The following AFAP1L1 variants were observed in gnomAD, a reference collection of about 807,000 sequenced individuals.
The protein encoded by AFAP1L1 is actin filament-associated protein 1-like 1.
In AFAP1L1, 77 loss-of-function variants were observed where a neutral mutation model predicts 99.8. The observed-to-expected ratio is 0.77, with a 90% CI of 0.64 to 0.93. The LOEUF (loss-of-function observed/expected upper bound fraction) is 0.93, where lower values mean the gene tolerates loss of function less well. Among genes scored for constraint, AFAP1L1 ranks in the 40% least tolerant of loss-of-function variants. The pLI is 0.00. For synonymous variants in AFAP1L1, 373 were observed against 395.3 expected, an observed-to-expected ratio of 0.94 and a Z score of 0.67; for missense variants, 893 against 996.8, an observed-to-expected ratio of 0.90 and a Z score of 1.40.
In AFAP1L1 at chr5:149,317,715, A is replaced by G. The variant is rs1318708982; in HGVS notation, c.1268-14A>G. 6.2e-7 allele frequency: 1 copy of G among 1,613,262 alleles called. No individual in the cohort carries two copies. The highest frequency in any genetic ancestry group is 1.7e-5 in the Admixed American group (1 of 59,956). ...GGGCAGGCTATGGGAACCTCACACC[A>G]TTGTCTCCTCCAGGCTACCTGAACG... On this transcript the variant is annotated splice_polypyrimidine_tract_variant and intron_variant, in intron 11 of 18. Transcript: ENST00000296721.
intron 1 of AFAP1L1, among the ~76,000 whole-genome samples, chr5:149,296,450 G>A (rs1391612340): frequency 6.6e-6 from 1 of 152,248 alleles, no homozygotes; most frequent in African/African-American, 2.4e-5. Context: ...AGAGCAGAGA[G>A]GTATCATGTG....
chr5:149,338,078 T>C (rs533525180), intron 18 of AFAP1L1, among the ~76,000 whole-genome samples: 1 of 152,308 alleles, frequency 6.6e-6, no homozygotes, highest in Admixed American at 6.5e-5. Flanking sequence ...AGAATACATT[T>C]AAAGGACAGC....
At chr5:149,284,867 G>A (rs1755627761) in intron 1 of AFAP1L1, among the ~76,000 whole-genome samples, 1 of 152,236 alleles carries the variant, frequency 6.6e-6, no homozygotes. Context: ...TCTCAGGTGA[G>A]CAGCAGACTG....
Position 149,300,922 on chromosome 5 carries a change from C to G in AFAP1L1, c.230-211C>G, listed in dbSNP as rs193151074. On this transcript the variant is annotated intron_variant, in intron 3 of 18. Coordinates refer to ENST00000296721, the MANE Select transcript of AFAP1L1 (RefSeq NM_152406.4). The stretch of plus-strand genomic sequence containing the variant: ...CAAGTATGATTTTATTTGATCCTCT[C>G]TACAATCCTGGAAAACAGACAAGGC... Among the ~76,000 whole-genome samples the G allele has an allele frequency of 1.8e-3, 272 of 152,340 alleles. 2 individuals are homozygous for G. The highest frequency in any genetic ancestry group is 6.2e-3 in the African/African-American group (257 of 41,580).
At chr5:149,331,758 G>A (rs1473882249) in intron 16 of AFAP1L1, among the ~76,000 whole-genome samples, 3 of 152,152 alleles carry the variant, frequency 2.0e-5, no homozygotes, top group Non-Finnish European at 4.4e-5. Context: ...GATGTAATTG[G>A]AAAATTGAGC....
chr5:149,325,137 A>G (rs1757059812), intron 15 of AFAP1L1, among the ~76,000 whole-genome samples: 1 of 152,190 alleles, frequency 6.6e-6, no homozygotes, highest in African/African-American at 2.4e-5. Flanking sequence ...AAAACAAACA[A>G]TTACTTAAAG....
intron 10 of AFAP1L1, 109 bp from the exon 11 acceptor site, chr5:149,316,042 C>G (rs759753942): frequency 3.9e-5 from 61 of 1,579,236 alleles, no homozygotes; most frequent in Non-Finnish European, 5.3e-5. Flanking sequence ...GCCTGCCATC[C>G]CTGGAGCTGC....
At chr5:149,322,771 T>A (rs898933823) in intron 15 of AFAP1L1, 54 bp downstream of exon 15, 1 of 1,412,964 alleles carries the variant, frequency 7.1e-7, no homozygotes, top group Non-Finnish European at 9.7e-7. Flanking sequence ...AAGGAAGCAG[T>A]CTATAGGAGG....
At chr5:149,272,177 A>G (rs1201238303) in intron 1 of AFAP1L1, among the ~76,000 whole-genome samples, 193 bp downstream of exon 1, 1 of 152,180 alleles carries the variant, frequency 6.6e-6, no homozygotes, top group Non-Finnish European at 1.5e-5. Context: ...GGTGCGTGTC[A>G]ACGCCCGTGT....
intron 15 of AFAP1L1, 42 bp downstream of exon 15, chr5:149,322,759 G>A (rs1310518523): frequency 2.0e-6 from 3 of 1,510,170 alleles, no homozygotes; most frequent in Non-Finnish European, 2.7e-6. Flanking sequence ...AGGGAGGAAG[G>A]AAAGGAAGCA....
At chr5:149,330,455 T>C (rs1757223560) in intron 16 of AFAP1L1, among the ~76,000 whole-genome samples, 1 of 152,220 alleles carries the variant, frequency 6.6e-6, no homozygotes, top group Non-Finnish European at 1.5e-5. Flanking sequence ...TATGAGAATC[T>C]GGTGGACCTA....
In AFAP1L1 at chr5:149,329,649, TC is replaced by T; in HGVS notation, c.1811-13del. On this transcript the variant is annotated splice_polypyrimidine_tract_variant and intron_variant, in intron 15 of 18. Transcript: ENST00000296721. ...AGGTCAGAACTGAGGGCCTTTCCCT[TC>T]CCCATATCTCTGCAGGTGCCAATCA... The T allele has an allele frequency of 6.2e-7, 1 of 1,605,566 alleles. No homozygotes were observed. Among genetic ancestry groups the T allele is most frequent in the Non-Finnish European group, 8.5e-7 (1 of 1,176,818 alleles).
At chr5:149,317,094 G>A (rs894577059) in intron 11 of AFAP1L1, among the ~76,000 whole-genome samples, 4 of 152,210 alleles carry the variant, frequency 2.6e-5, no homozygotes, top group African/African-American at 9.6e-5. Context: ...GAGCCCAGGA[G>A]GTTGAGGCTG....
At chr5:149,285,929 G>T (rs1020450854) in intron 1 of AFAP1L1, among the ~76,000 whole-genome samples, 5 of 152,292 alleles carry the variant, frequency 3.3e-5, no homozygotes, top group African/African-American at 1.2e-4. Flanking sequence ...CAGTGCACCT[G>T]CTGTGTACCC....
At chr5:149,313,091 A>T (rs1756686303) in intron 9 of AFAP1L1, among the ~76,000 whole-genome samples, 1 of 151,208 alleles carries the variant, frequency 6.6e-6, no homozygotes. Context: ...GTGCCATTGC[A>T]CTCCAGCCTG....
chr5:149,326,556 A>AC (rs974950475), intron 15 of AFAP1L1, among the ~76,000 whole-genome samples: 7 of 148,402 alleles, frequency 4.7e-5, no homozygotes, highest in African/African-American at 1.7e-4. Flanking sequence ...AAAAAAAAAA[A>AC]AAAAAAGAAA....
At chr5:149,313,888 G>A (rs531896978) in intron 9 of AFAP1L1, among the ~76,000 whole-genome samples, 1 of 152,356 alleles carries the variant, frequency 6.6e-6, no homozygotes, top group African/African-American at 2.4e-5. Flanking sequence ...TGTAAGCAGA[G>A]GGAAAAGGTG....
intron 9 of AFAP1L1, chr5:149,315,598 C>T (rs768578803): frequency 5.7e-6 from 3 of 529,994 alleles, no homozygotes; most frequent in Non-Finnish European, 1.0e-5. Context: ...AATTGCCTCC[C>T]TCCCCAAATG....
intron 2 of AFAP1L1, 87 bp downstream of exon 2, chr5:149,299,724 C>A: frequency 6.3e-7 from 1 of 1,575,652 alleles, no homozygotes; most frequent in African/African-American, 1.3e-5. Context: ...ATGCAGGAAC[C>A]CTCCGCCCCA....
Sources: allele counts gnomAD v4.1 joint callset (sites outside exome capture counted in the v4.1 genomes callset), GRCh38; gene constraint gnomAD v4.1.1; transcripts MANE v1.5; gene names NCBI Gene and HGNC (gene_info 2026-07-23, HGNC 2026-07-21).